GRM3: variants seen among roughly 807,000 people sequenced by gnomAD.
GRM3 encodes metabotropic glutamate receptor 3.
Under a neutral mutation model 70.5 loss-of-function variants are expected in GRM3, and 26 were observed. The ratio of observed to expected loss-of-function variants is 0.37; its 90% CI spans 0.27 to 0.51. The LOEUF (loss-of-function observed/expected upper bound fraction) is 0.51, where lower values mean the gene tolerates loss of function less well. Ranked by LOEUF, GRM3 falls within the 20% of genes least tolerant of loss-of-function variation. The pLI is 0.93. For missense variants in GRM3, 859 were observed against 1,123.8 expected, an observed-to-expected ratio of 0.76 and a Z score of 3.37; for synonymous variants, 443 against 434.9, an observed-to-expected ratio of 1.02 and a Z score of -0.23.
intron 1 of GRM3, among the ~76,000 whole-genome samples, chr7:86,670,606 C>T (rs1202618203): frequency 6.6e-6 from 1 of 152,144 alleles, no homozygotes; most frequent in Non-Finnish European, 1.5e-5. Context: ...AACTTGATTT[C>T]TTCTTGACTG....
At position 86,675,150 on chromosome 7, in the gene GRM3, T is replaced by C. The variant is rs1794275080; in HGVS notation, c.-141+30278T>C. On this transcript the variant is annotated intron_variant, in intron 1 of 5. Coordinates refer to ENST00000361669, the MANE Select transcript of GRM3 (RefSeq NM_000840.3). Reference sequence around the variant, plus strand: ...TAATAGTACCCCAAATCAAACTTCATATCTACATTTTCATGACATATTTCA... The same window carrying C: ...TAATAGTACCCCAAATCAAACTTCACATCTACATTTTCATGACATATTTCA... 4.6e-5 allele frequency among the ~76,000 whole-genome samples: 7 copies of C among 152,098 alleles called. No individual in the cohort carries two copies. In the South Asian group the frequency reaches 1.4e-3, roughly 31 times the overall value.
At chr7:86,759,428 G>C (rs899058173) in intron 1 of GRM3, among the ~76,000 whole-genome samples, 5 of 152,066 alleles carry the variant, frequency 3.3e-5, no homozygotes, top group Non-Finnish European at 7.4e-5. Context: ...TTTGTTATCT[G>C]AATGAAATTT....
intron 3 of GRM3, among the ~76,000 whole-genome samples, chr7:86,815,688 C>T (rs748993554): frequency 2.6e-5 from 4 of 151,840 alleles, no homozygotes; most frequent in Non-Finnish European, 5.9e-5. Context: ...TCCAACCCAG[C>T]CACTTATGAG....
intron 1 of GRM3, among the ~76,000 whole-genome samples, chr7:86,722,196 C>T (rs535911206): frequency 6.6e-6 from 1 of 152,118 alleles, no homozygotes; most frequent in Non-Finnish European, 1.5e-5. Flanking sequence ...GGGTTATTCT[C>T]AGAAAACTTT....
intron 1 of GRM3, among the ~76,000 whole-genome samples, chr7:86,748,897 G>C (rs1796166783): frequency 6.6e-6 from 1 of 152,020 alleles, no homozygotes; most frequent in South Asian, 2.1e-4. Context: ...ATCCTCCGCA[G>C]TTAATAATAG....
intron 3 of GRM3, among the ~76,000 whole-genome samples, chr7:86,819,901 T>C (rs1798085708): frequency 1.3e-5 from 2 of 152,184 alleles, no homozygotes; most frequent in Admixed American, 1.3e-4. Flanking sequence ...GTCTGCCAAA[T>C]TCTAGGTGAA....
intron 1 of GRM3, among the ~76,000 whole-genome samples, chr7:86,661,169 A>T (rs1338183572): frequency 6.6e-6 from 1 of 151,972 alleles, no homozygotes; most frequent in Non-Finnish European, 1.5e-5. Context: ...GAGGCCTAAG[A>T]ATCACCCCGA....
intron 1 of GRM3, among the ~76,000 whole-genome samples, chr7:86,650,930 G>A (rs1192577544): frequency 6.6e-6 from 1 of 152,140 alleles, no homozygotes; most frequent in Non-Finnish European, 1.5e-5. Context: ...AGTAGTAATG[G>A]TTCATCTTTA....
intron 3 of GRM3, among the ~76,000 whole-genome samples, chr7:86,833,847 T>C (rs1383655939): frequency 4.6e-5 from 7 of 152,226 alleles, no homozygotes; most frequent in African/African-American, 1.7e-4. Context: ...GAATTTGTAA[T>C]GTATGCATTT....
chr7:86,851,360 G>GAGTTTA (rs1798752180), intron 5 of GRM3, among the ~76,000 whole-genome samples: 1 of 152,104 alleles, frequency 6.6e-6, no homozygotes, highest in Non-Finnish European at 1.5e-5. Context: ...GAGAATCATT[G>GAGTTTA]ATTTAATTCT....
At chr7:86,804,941 A>C (rs1412369026) in intron 3 of GRM3, among the ~76,000 whole-genome samples, 1 of 152,124 alleles carries the variant, frequency 6.6e-6, no homozygotes, top group Non-Finnish European at 1.5e-5. Flanking sequence ...GTGAGATCCC[A>C]ACTCTACAAA....
intron 1 of GRM3, among the ~76,000 whole-genome samples, chr7:86,740,828 C>G (rs10238436): frequency 0.25 from 38,412 of 152,058 alleles, 4,957 homozygotes; most frequent in Middle Eastern, 0.32. Flanking sequence ...CTGTCATCTT[C>G]CTACCAGAGT....
chr7:86,815,207 C>T (rs140457098), intron 3 of GRM3, among the ~76,000 whole-genome samples: 39 of 151,882 alleles, frequency 2.6e-4, no homozygotes, highest in African/African-American at 8.9e-4. Flanking sequence ...ATCTGCTGGA[C>T]AGAACACGTA....
chr7:86,786,130 A>C lies in GRM3; in HGVS notation c.469-131A>C. The stretch of plus-strand genomic sequence containing the variant: ...CATCTGGTATTCATCTCAAGAACTA[A>C]CAGAAAAATGTAGCCATCTAGAGTA... On this transcript the variant is annotated intron_variant, in intron 2 of 5. Coordinates refer to ENST00000361669, the MANE Select transcript of GRM3 (RefSeq NM_000840.3). This position sits in a 1 kb window ranked among gnomAD's most constrained non-coding sequence, Gnocchi z 6.0. 1 of 770,982 alleles carries C rather than the reference A, an allele frequency of 1.3e-6. No individual in the cohort carries two copies. The highest frequency in any genetic ancestry group is 1.7e-5 in the South Asian group (1 of 59,164). The allele number at this position is 770,982 out of a possible 1,614,324, so 47.8% of individuals were successfully genotyped here. A position where few individuals can be genotyped will look rare whatever the true frequency, so the allele number is the denominator to read the frequency against.
intron 4 of GRM3, among the ~76,000 whole-genome samples, chr7:86,842,230 A>T (rs1798571007): frequency 6.6e-6 from 1 of 152,178 alleles, no homozygotes. Flanking sequence ...AATAAATCAC[A>T]TGCTCTTCTT....
At chr7:86,734,955 T>C (rs930622435) in intron 1 of GRM3, among the ~76,000 whole-genome samples, 1 of 152,244 alleles carries the variant, frequency 6.6e-6, no homozygotes, top group African/African-American at 2.4e-5. Flanking sequence ...AAATTTAAAA[T>C]GTGTGAAGGC....
Position 86,839,563 on chromosome 7 carries a change from C to T in GRM3, c.2049C>T (p.Ile683=), listed in dbSNP as rs2116737968. 1.2e-6 allele frequency: 2 copies of T among 1,609,620 alleles called. No homozygotes were observed. The highest frequency in any genetic ancestry group is 1.7e-6 in the Non-Finnish European group (2 of 1,177,376). ...ATGGCGCTCAGAGGCCAAAATTCATCAGCCCCAGTTCTCAGGTTTTCATCT... is the reference window on the plus strand; with the variant it reads ...ATGGCGCTCAGAGGCCAAAATTCATTAGCCCCAGTTCTCAGGTTTTCATCT... The part of the protein sequence containing the change: ...VKNGAQRPKF[I]SPSSQVFICL... The change falls in exon 4 of 6, where the codon ATC becomes ATT. Residue 683 remains isoleucine (I), a synonymous_variant. Coordinates refer to ENST00000361669, the MANE Select transcript of GRM3 (RefSeq NM_000840.3). This position sits in a 1 kb window ranked among gnomAD's most constrained non-coding sequence, Gnocchi z 4.5.
chr7:86,714,970 TA>T (rs199864082), intron 1 of GRM3, among the ~76,000 whole-genome samples: 1,771 of 152,114 alleles, frequency 0.012, 16 homozygotes, highest in Non-Finnish European at 0.018. Context: ...AACTCTTGAA[TA>T]AAAATTTCAC....
chr7:86,861,502 C>G (rs1311178927), intron 5 of GRM3, among the ~76,000 whole-genome samples: 1 of 152,152 alleles, frequency 6.6e-6, no homozygotes, highest in Non-Finnish European at 1.5e-5. Context: ...GTGACAGTAA[C>G]TGATTGGCTA....
Sources: allele counts gnomAD v4.1 joint callset (sites outside exome capture counted in the v4.1 genomes callset), GRCh38; gene constraint gnomAD v4.1.1; non-coding constraint Gnocchi (gnomAD v3.1); transcripts MANE v1.5; gene names NCBI Gene and HGNC (gene_info 2026-07-23, HGNC 2026-07-21).